The following SORCS2 variants were observed in gnomAD, a reference collection of about 807,000 sequenced individuals.
The protein encoded by SORCS2 is sortilin related VPS10 domain containing receptor 2.
A neutral mutation model predicts 141.6 loss-of-function variants in SORCS2; 100 were observed. That is an observed-to-expected ratio of 0.71 (90% confidence interval 0.60 to 0.83). The LOEUF is 0.83. Ranked by LOEUF, SORCS2 falls within the 40% of genes least tolerant of loss-of-function variation. SORCS2 has a pLI of 0.00. For missense variants in SORCS2, 1,646 were observed against 1,560.2 expected (o/e 1.05, Z -0.93); for synonymous variants, 789 against 676.9 (o/e 1.17, Z -2.57).
chr4:7,687,343 C>G (rs1265762544), intron 10 of SORCS2, among the ~76,000 whole-genome samples: 1 of 152,174 alleles, frequency 6.6e-6, no homozygotes. Context: ...TCTGCCTGAG[C>G]TATCTGGGGT....
At chr4:7,514,220 C>T (rs1206898284) in intron 2 of SORCS2, among the ~76,000 whole-genome samples, 1 of 152,140 alleles carries the variant, frequency 6.6e-6, no homozygotes. Context: ...GACTTGTGAC[C>T]AGGGTTGCTG....
chr4:7,639,937 C>G lies in SORCS2; in HGVS notation c.813+1445C>G, dbSNP rs56651483. On this transcript the variant is annotated intron_variant, in intron 4 of 26. Coordinates refer to ENST00000507866, the MANE Select transcript of SORCS2 (RefSeq NM_020777.3). ...TGTGTGTGTGTTTGTGAGAATATGT[C>G]TGTGTTTGTGAGAATGAGTGTGGGT... Among the ~76,000 whole-genome samples, 20 of 14,324 alleles carry G rather than the reference C, an allele frequency of 1.4e-3. 1 individual carries two copies. Among genetic ancestry groups the G allele is most frequent in the East Asian group, 0.013 (1 of 80 alleles). 9.4% of individuals were successfully genotyped at this position (14,324 alleles called of 152,430 possible). A position where few individuals can be genotyped will look rare whatever the true frequency, so the allele number is the denominator to read the frequency against.
intron 3 of SORCS2, among the ~76,000 whole-genome samples, chr4:7,594,770 C>T (rs766204393): frequency 3.3e-5 from 5 of 152,082 alleles, no homozygotes; most frequent in African/African-American, 7.2e-5. Flanking sequence ...ACGCTTCCAC[C>T]GCTGTTCAAT....
intron 1 of SORCS2, among the ~76,000 whole-genome samples, chr4:7,220,833 T>C (rs10008988): frequency 0.25 from 37,851 of 151,988 alleles, 5,013 homozygotes; most frequent in East Asian, 0.45. Flanking sequence ...GATGAGTTTG[T>C]GAGAAATTTC....
chr4:7,704,062 T>G, intron 13 of SORCS2, 115 bp from the exon 14 acceptor site: 2 of 811,600 alleles, frequency 2.5e-6, no homozygotes, highest in Non-Finnish European at 4.2e-6. Flanking sequence ...TCACCTGCAC[T>G]GGCAAGGTTG....
At chr4:7,653,010 C>G (rs1307122123) in intron 4 of SORCS2, among the ~76,000 whole-genome samples, 1 of 152,196 alleles carries the variant, frequency 6.6e-6, no homozygotes, top group Non-Finnish European at 1.5e-5. Flanking sequence ...GCCCCCAGGA[C>G]CAGCCTCAAG....
chr4:7,220,174 G>A (rs867391607), intron 1 of SORCS2, among the ~76,000 whole-genome samples: 7 of 152,142 alleles, frequency 4.6e-5, no homozygotes, highest in Non-Finnish European at 5.9e-5. Context: ...TCTGATGTGC[G>A]AGGCGGCCCT....
intron 2 of SORCS2, among the ~76,000 whole-genome samples, chr4:7,473,334 C>T (rs936013054): frequency 1.3e-5 from 2 of 152,144 alleles, no homozygotes; most frequent in Non-Finnish European, 2.9e-5. Flanking sequence ...GAGCCCTCAG[C>T]CCAGGGGCAA....
intron 1 of SORCS2, among the ~76,000 whole-genome samples, chr4:7,297,433 G>T (rs537079679): frequency 6.8e-4 from 104 of 152,234 alleles, no homozygotes; most frequent in Non-Finnish European, 1.3e-3. Flanking sequence ...CCACCCCAGG[G>T]ATCTTGCTGG....
At chr4:7,727,610 C>T (rs1727314971) in intron 21 of SORCS2, among the ~76,000 whole-genome samples, 1 of 152,184 alleles carries the variant, frequency 6.6e-6, no homozygotes. Context: ...AGGAGGCTGC[C>T]CTTGGCTATT....
chr4:7,373,458 T>TTATATATATA (rs1553850461), intron 1 of SORCS2, among the ~76,000 whole-genome samples: 14 of 82,828 alleles, frequency 1.7e-4, no homozygotes, highest in African/African-American at 9.2e-4. Flanking sequence ...TGAGAAACTT[T>TTATATATATA]TATATATATA....
At chr4:7,306,284 G>C (rs534004092) in intron 1 of SORCS2, among the ~76,000 whole-genome samples, 1 of 152,142 alleles carries the variant, frequency 6.6e-6, no homozygotes, top group East Asian at 1.9e-4. Flanking sequence ...AGTGGGCTCC[G>C]GGGTAGGCTT....
intron 3 of SORCS2, among the ~76,000 whole-genome samples, chr4:7,551,534 A>T (rs1468809045): frequency 6.6e-6 from 1 of 152,168 alleles, no homozygotes; most frequent in Non-Finnish European, 1.5e-5. Context: ...GATGCAGAGG[A>T]GATGATGCCC....
chr4:7,391,212 G>C (rs1351418901), intron 1 of SORCS2, among the ~76,000 whole-genome samples: 1 of 152,240 alleles, frequency 6.6e-6, no homozygotes, highest in East Asian at 1.9e-4. Context: ...TGACCTCCCA[G>C]TTCATGCTGT....
chr4:7,413,391 C>CTTT (rs34379092), intron 2 of SORCS2, among the ~76,000 whole-genome samples: 4,766 of 84,732 alleles, frequency 0.056, 748 homozygotes, highest in East Asian at 0.15. Context: ...TTCACAGCTG[C>CTTT]TTTTTTTTTT....
intron 1 of SORCS2, among the ~76,000 whole-genome samples, chr4:7,351,128 C>G (rs1379151758): frequency 6.6e-6 from 1 of 152,220 alleles, no homozygotes; most frequent in African/African-American, 2.4e-5. Context: ...CCACTTAGCC[C>G]CTCAGCCCCT....
rs61741341 is a variant in SORCS2 at position 7,434,269 on chromosome 4, A to G, written c.548+37914A>G. ...CTGCTCCTGGATGTTCAAGTCGGCC[A>G]AGGTCAAGTTGGACCGGACAGCCTC... On this transcript the variant is annotated intron_variant, in intron 2 of 26. Coordinates refer to ENST00000507866, the MANE Select transcript of SORCS2 (RefSeq NM_020777.3). 2.4e-3 allele frequency: 3,907 copies of G among 1,613,318 alleles called. 95 individuals are homozygous for G. The African/African-American group carries it at 0.047, about 19-fold the overall frequency.
At chr4:7,481,975 GACC>G (rs1253319441) in intron 2 of SORCS2, among the ~76,000 whole-genome samples, 215 of 113,578 alleles carry the variant, frequency 1.9e-3, no homozygotes, top group East Asian at 8.9e-3. Context: ...ACGCTGTTCA[GACC>G]TGTATCCCCA....
intron 1 of SORCS2, among the ~76,000 whole-genome samples, chr4:7,268,092 GC>G (rs1714867545): frequency 1.3e-5 from 2 of 152,334 alleles, no homozygotes; most frequent in South Asian, 2.1e-4. Flanking sequence ...TGAGTGGTGG[GC>G]CCCGGGCCCC....
Sources: gnomAD v4.1 joint callset for allele counts (sites outside exome capture counted in the v4.1 genomes callset) on GRCh38, gnomAD v4.1.1 for gene constraint, MANE v1.5 for transcripts, NCBI Gene and HGNC (gene_info 2026-07-23, HGNC 2026-07-21) for gene names.